Variants in ACAN observed in about 807,000 individuals in gnomAD.
The protein encoded by ACAN is aggrecan.
ACAN carries 47 observed loss-of-function variants against 169.1 expected under a neutral mutation model. That is an observed-to-expected ratio of 0.28 (90% CI 0.22 to 0.35). The LOEUF is 0.35. Among genes scored for constraint, ACAN ranks in the 10% least tolerant of loss-of-function variants. The pLI is 1.00. For missense variants in ACAN, 2,716 were observed against 2,759.9 expected (o/e 0.98, Z 0.36); for synonymous variants, 1,115 against 1,112.2 (o/e 1.00, Z -0.05).
chr15:88,816,770 G>T (rs1895951910), intron 1 of ACAN, among the ~76,000 whole-genome samples: 1 of 152,180 alleles, frequency 6.6e-6, no homozygotes, highest in African/African-American at 2.4e-5. Flanking sequence ...ATGGATCAAG[G>T]TATGTGTGTA....
Position 88,872,047 on chromosome 15 carries a change from A to G in ACAN, c.7264A>G (p.Ile2422Val). ...YQWIGLNDRT[I>V]EGDFRWSDGH... Reference sequence around the variant, plus strand: ...GTGGATCGGCCTGAACGACAGGACCATCGAAGGGGACTTCCGCTGGTCAGA... The same window carrying G: ...GTGGATCGGCCTGAACGACAGGACCGTCGAAGGGGACTTCCGCTGGTCAGA... The change falls in exon 16 of 19, where the codon ATC (isoleucine) becomes GTC (valine). Residue 2422 changes from isoleucine to valine, a missense_variant. Around this residue, in one of 3 missense-constraint regions of ACAN, gnomAD observed 1,389 missense variants for 1,363.7 expected, o/e 1.02. Transcript: ENST00000560601. The surrounding 1 kb of genome is among the most constrained non-coding windows in gnomAD (Gnocchi z 5.4). 6.2e-7 allele frequency: 1 copy of G among 1,613,986 alleles called. No homozygotes were observed. Among genetic ancestry groups the G allele is most frequent in the Non-Finnish European group, 8.5e-7 (1 of 1,179,920 alleles).
rs370104735 is a variant in ACAN at position 88,845,566 on chromosome 15, C to G, written c.1113C>G (p.Thr371=). 4.9e-4 allele frequency: 784 copies of G among 1,613,956 alleles called. 3 individuals carry two copies. The highest frequency in any genetic ancestry group is 2.2e-3 in the South Asian group (197 of 91,078). Residue 371 remains threonine (T), a synonymous_variant, in exon 7 of 19, where the codon ACC becomes ACG. Coordinates refer to ENST00000560601, the MANE Select transcript of ACAN (RefSeq NM_001369268.1). ...FFGVGGEEDI[T]VQTVTWPDME... ...GAGTGGGGGGTGAGGAGGACATCAC[C>G]GTCCAGACAGTGACCTGGCCTGACA...
In ACAN at chr15:88,851,611, A is replaced by C. The variant is rs550714451; in HGVS notation, c.2027-183A>C. On this transcript the variant is annotated intron_variant, in intron 10 of 18. Transcript: ENST00000560601. The surrounding 1 kb of genome is among the most constrained non-coding windows in gnomAD (Gnocchi z 4.3). Reference sequence around the variant, plus strand: ...ACTGGAACTAAAGTGCTGATGGTGCATATGGATATTATATCATTGGTGCCG... The same window carrying C: ...ACTGGAACTAAAGTGCTGATGGTGCCTATGGATATTATATCATTGGTGCCG... The C allele has an allele frequency of 4.4e-5, 28 of 637,692 alleles. No individual in the cohort carries two copies. The African/African-American group carries it at 4.7e-4, about 11-fold the overall frequency. 39.5% of individuals were successfully genotyped at this position (637,692 alleles called of 1,614,324 possible). A position where few individuals can be genotyped will look rare whatever the true frequency, so the allele number is the denominator to read the frequency against.
rs890253100 is a variant in ACAN, at chr15:88,807,177, C to G, written c.-8+3368C>G. 1.4e-4 allele frequency among the ~76,000 whole-genome samples: 21 copies of G among 152,110 alleles called. No individual in the cohort carries two copies. The highest frequency in any genetic ancestry group is 4.6e-4 in the Admixed American group (7 of 15,282). On this transcript the variant is annotated intron_variant, in intron 1 of 18. Transcript: ENST00000560601. This position sits in a 1 kb window ranked among gnomAD's most constrained non-coding sequence, Gnocchi z 4.0. ...GGAGTCAAGGCAGCTGAGGTGGAAG[C>G]TGGAGTTGGGGAAAGGCAAGTTCAA...
At chr15:88,828,675 G>A (rs985128986) in intron 1 of ACAN, among the ~76,000 whole-genome samples, 1 of 152,192 alleles carries the variant, frequency 6.6e-6, no homozygotes, top group Non-Finnish European at 1.5e-5. Context: ...CTGAGAGGGT[G>A]GAGATGCAGT....
chr15:88,840,922 A>G (rs1896637628), intron 4 of ACAN, among the ~76,000 whole-genome samples: 1 of 152,210 alleles, frequency 6.6e-6, no homozygotes, highest in Non-Finnish European at 1.5e-5. Flanking sequence ...AGGCGGGCAG[A>G]TCACGAAGTC....
rs202059945 is a variant in ACAN at position 88,873,850 on chromosome 15, G to A, written c.7456G>A (p.Gly2486Arg). 3.2e-4 allele frequency: 520 copies of A among 1,613,578 alleles called. No individual in the cohort carries two copies. Among genetic ancestry groups the A allele is most frequent in the Non-Finnish European group, 4.0e-4 (475 of 1,179,870 alleles). The change falls in exon 18 of 19, where the codon GGA (glycine) becomes AGA (arginine). Residue 2486 changes from glycine (G) to arginine (R), a missense_variant. Transcript: ENST00000560601. The surrounding 1 kb of genome is among the most constrained non-coding windows in gnomAD (Gnocchi z 7.5). The part of the protein sequence containing the change: ...FTCKKGTVAC[G>R]EPPVVEHART... ...GGGTGTTTGCCCCTCAGTGGCCTGC[G>A]GAGAGCCCCCTGTGGTGGAGCATGC...
In ACAN at chr15:88,859,077, C is replaced by G. The variant is rs1179425447; in HGVS notation, c.6492C>G (p.Ala2164=). ...LTFQEGEASA[A]PEVSGESTTT... is the part of the protein sequence containing the mutation. ...TTCAAGAAGGCGAGGCGTCCGCTGC[C>G]CCAGAAGTGAGTGGAGAATCCACCA... The change falls in exon 12 of 19, where the codon GCC becomes GCG. Residue 2164 remains alanine, a synonymous_variant. Transcript: ENST00000560601. 6.2e-7 allele frequency: 1 copy of G among 1,613,808 alleles called. No individual in the cohort carries two copies. Among genetic ancestry groups the G allele is most frequent in the Non-Finnish European group, 8.5e-7 (1 of 1,179,910 alleles).
rs117881662 is a variant in ACAN at position 88,847,303 on chromosome 15, A to T, written c.1490A>T (p.Gln497Leu). Reference sequence around the variant, plus strand: ...TACTCGCTGACCTTTGAGGAGGCACAGCAGGCCTGCCTGCGCACGGGGGCG... The same window carrying T: ...TACTCGCTGACCTTTGAGGAGGCACTGCAGGCCTGCCTGCGCACGGGGGCG... ...TRYSLTFEEA[Q>L]QACLRTGAVI... Residue 497 changes from glutamine (Q) to leucine (L), a missense_variant, in exon 8 of 19, where the codon CAG becomes CTG. Gln to Leu is a moderately radical substitution (Grantham distance 113). This residue lies in a region of ACAN where 1,283 missense variants were observed against 1,281.5 expected (regional missense o/e 1.00). Coordinates refer to ENST00000560601, the MANE Select transcript of ACAN (RefSeq NM_001369268.1). The T allele has an allele frequency of 5.3e-4, 827 of 1,574,138 alleles. 3 individuals carry two copies. The East Asian group carries it at 0.012, about 23-fold the overall frequency.
At chr15:88,853,300 C>T (rs1356978362) in intron 11 of ACAN, among the ~76,000 whole-genome samples, 2 of 152,242 alleles carry the variant, frequency 1.3e-5, no homozygotes, top group Non-Finnish European at 2.9e-5. Flanking sequence ...TTTGCACTAT[C>T]ATTTGCTCCA....
chr15:88,843,003 A>G lies in ACAN; in HGVS notation c.758-352A>G, dbSNP rs991516619. Among the ~76,000 whole-genome samples, 9 of 152,204 alleles carry G rather than the reference A, an allele frequency of 5.9e-5. No homozygotes were observed. Among genetic ancestry groups the G allele is most frequent in the African/African-American group, 2.2e-4 (9 of 41,450 alleles). The stretch of plus-strand genomic sequence containing the variant: ...TAAAAGGATTTGCCTTGAGTAGGCA[A>G]TGCTTAACTCCTAGGAAAGATCCCC... On this transcript the variant is annotated intron_variant, in intron 5 of 18. Coordinates refer to ENST00000560601, the MANE Select transcript of ACAN (RefSeq NM_001369268.1). The surrounding 1 kb of genome is among the most constrained non-coding windows in gnomAD (Gnocchi z 4.0).
Position 88,855,027 on chromosome 15 carries a change from AG to A in ACAN, c.2443del (p.Val815TrpfsTer130). The A allele has an allele frequency of 6.3e-7, 1 of 1,593,716 alleles. No individual in the cohort carries two copies. Among genetic ancestry groups the A allele is most frequent in the Non-Finnish European group, 8.5e-7 (1 of 1,171,414 alleles). On this transcript the variant is annotated frameshift_variant, in exon 12 of 19. Coordinates refer to ENST00000560601, the MANE Select transcript of ACAN (RefSeq NM_001369268.1). LOFTEE classifies it high-confidence loss of function. ...PFPSVRPFPS[V>X]ELFPSEEPFP... ...TCCCCTCAGTGAGGCCATTCCCCTC[AG>A]TGGAGCTGTTCCCCTCAGAGGAGCC... is the stretch of plus-strand genomic sequence containing the variant.
intron 1 of ACAN, among the ~76,000 whole-genome samples, chr15:88,809,033 G>A (rs965449277): frequency 3.3e-5 from 5 of 152,188 alleles, no homozygotes; most frequent in East Asian, 1.9e-4. Flanking sequence ...TTCTGTTTCC[G>A]TGAGATGGAC....
chr15:88,823,809 T>G (rs1896137757), intron 1 of ACAN, among the ~76,000 whole-genome samples: 1 of 152,112 alleles, frequency 6.6e-6, no homozygotes, highest in Non-Finnish European at 1.5e-5. Context: ...CACCTACTAC[T>G]CCCTGCTTGG....
intron 11 of ACAN, 43 bp from the exon 12 acceptor site, chr15:88,854,809 G>T: frequency 2.1e-6 from 3 of 1,396,874 alleles, no homozygotes; most frequent in Non-Finnish European, 2.8e-6. Flanking sequence ...GTGGGGCAGA[G>T]TTAATAAACC....
rs1002162958 is a variant in ACAN, at chr15:88,840,140, G to A, written c.583G>A (p.Gly195Ser). The A allele has an allele frequency of 5.0e-6, 8 of 1,606,154 alleles. No homozygotes were observed. The South Asian group carries it at 5.6e-5, about 11-fold the overall frequency. Residue 195 changes from glycine to serine, a missense_variant, in exon 4 of 19, where the codon GGC (glycine) becomes AGC (serine). By Grantham distance (56) the Gly-to-Ser change is moderately conservative. Around this residue, in one of 3 missense-constraint regions of ACAN, gnomAD observed 1,283 missense variants for 1,281.5 expected, o/e 1.00. Transcript: ENST00000560601. ...GCAGCTGCAGGCCGCCTACGAAGACGGCTTCCACCAGTGTGACGCCGGCTG... is the reference window on the plus strand; with the variant it reads ...GCAGCTGCAGGCCGCCTACGAAGACAGCTTCCACCAGTGTGACGCCGGCTG... ...PEQLQAAYED[G>S]FHQCDAGWLA...
At chr15:88,833,930 C>G (rs754841309) in intron 1 of ACAN, among the ~76,000 whole-genome samples, 2 of 152,154 alleles carry the variant, frequency 1.3e-5, no homozygotes, top group African/African-American at 4.8e-5. Flanking sequence ...GAAGAACAGG[C>G]GGGCCTTGTG....
chr15:88,847,795 C>G, intron 8 of ACAN, 116 bp from the exon 9 acceptor site: 1 of 1,333,014 alleles, frequency 7.5e-7, no homozygotes, highest in Non-Finnish European at 1.0e-6. Flanking sequence ...TTGAATACCA[C>G]CAGACAACTG....
intron 1 of ACAN, among the ~76,000 whole-genome samples, chr15:88,831,954 G>C (rs568513179): frequency 6.6e-6 from 1 of 152,300 alleles, no homozygotes; most frequent in East Asian, 1.9e-4. Flanking sequence ...AAGAGGAGGG[G>C]ATGTGTTTTG....
Sources: allele counts gnomAD v4.1 joint callset (sites outside exome capture counted in the v4.1 genomes callset), GRCh38; gene constraint gnomAD v4.1.1; regional missense constraint gnomAD v4.1.1; non-coding constraint Gnocchi (gnomAD v3.1); transcripts MANE v1.5; gene names NCBI Gene and HGNC (gene_info 2026-07-23, HGNC 2026-07-21).